The following NR3C1 variants were observed in gnomAD, a reference collection of about 807,000 sequenced individuals.
The protein encoded by NR3C1 is nuclear receptor subfamily 3 group C member 1.
A neutral mutation model predicts 74.0 loss-of-function variants in NR3C1; 14 were observed. The ratio of observed to expected loss-of-function variants is 0.19; its 90% CI spans 0.12 to 0.30. The LOEUF (loss-of-function observed/expected upper bound fraction) is 0.30. Among genes scored for constraint, NR3C1 ranks in the 10% least tolerant of loss-of-function variants. The pLI, the probability that NR3C1 is intolerant of heterozygous loss-of-function variation, is 1.00. For synonymous variants in NR3C1, 308 were observed against 332.5 expected (o/e 0.93, Z 0.80); for missense variants, 695 against 909.8 (o/e 0.76, Z 3.04).
intron 6 of NR3C1, 46 bp from the exon 7 acceptor site, chr5:143,295,636 T>C: frequency 1.3e-6 from 2 of 1,531,408 alleles, no homozygotes; most frequent in Non-Finnish European, 1.8e-6. Flanking sequence ...TACTGCTACT[T>C]CCCCCCAAAA....
chr5:143,359,374 T>C (rs1831804649), intron 2 of NR3C1, among the ~76,000 whole-genome samples: 1 of 152,218 alleles, frequency 6.6e-6, no homozygotes, highest in Non-Finnish European at 1.5e-5. Flanking sequence ...AAATACATAC[T>C]TGAGTGCCTA....
At chr5:143,357,844 A>AAGTCTCCC (rs1831443501) in intron 2 of NR3C1, among the ~76,000 whole-genome samples, 1 of 152,186 alleles carries the variant, frequency 6.6e-6, no homozygotes, top group Admixed American at 6.5e-5. Context: ...GCCATTCCGA[A>AAGTCTCCC]AGTCTCCCTT....
chr5:143,312,762 T>TA (rs1245815390), intron 3 of NR3C1, among the ~76,000 whole-genome samples: 20 of 152,200 alleles, frequency 1.3e-4, no homozygotes, highest in Admixed American at 6.5e-4. Flanking sequence ...TATCACTGCA[T>TA]TTATATCGTG....
intron 2 of NR3C1, among the ~76,000 whole-genome samples, chr5:143,380,657 AG>A (rs1335339156): frequency 1.1e-5 from 1 of 91,752 alleles, no homozygotes; most frequent in Non-Finnish European, 2.1e-5. Context: ...TGTGGATTAT[AG>A]GGCAGGGGGG....
intron 1 of NR3C1, among the ~76,000 whole-genome samples, chr5:143,417,398 T>C (rs1007931950): frequency 2.0e-5 from 3 of 152,148 alleles, no homozygotes; most frequent in African/African-American, 4.8e-5. Context: ...TTGGATTCAA[T>C]AGACATTTAT....
intron 2 of NR3C1, among the ~76,000 whole-genome samples, chr5:143,351,965 A>G (rs1214498875): frequency 6.6e-6 from 1 of 152,230 alleles, no homozygotes; most frequent in Non-Finnish European, 1.5e-5. Flanking sequence ...AGAGAGACCT[A>G]TAACAAATTT....
chr5:143,361,880 T>G (rs1050838585), intron 2 of NR3C1, among the ~76,000 whole-genome samples: 3 of 152,220 alleles, frequency 2.0e-5, no homozygotes, highest in African/African-American at 7.2e-5. Flanking sequence ...TTCTAAAGTT[T>G]AGATAAATGG....
At chr5:143,402,690 G>A (rs1471276163) in intron 1 of NR3C1, 8 of 985,280 alleles carry the variant, frequency 8.1e-6, no homozygotes, top group African/African-American at 3.5e-5. Flanking sequence ...TCAGCCCCCC[G>A]CGTGTGCACC....
chr5:143,387,638 T>C (rs1372454817), intron 2 of NR3C1, among the ~76,000 whole-genome samples: 2 of 152,200 alleles, frequency 1.3e-5, no homozygotes, highest in Non-Finnish European at 2.9e-5. Flanking sequence ...ATTTTCTTGC[T>C]ATGGCTAACA....
chr5:143,321,465 T>C (rs192174648), intron 2 of NR3C1, among the ~76,000 whole-genome samples: 49 of 152,270 alleles, frequency 3.2e-4, no homozygotes, highest in African/African-American at 1.2e-3. Context: ...CTCTCACCTC[T>C]TGCTTTAACC....
chr5:143,319,978 G>A (rs992798433), intron 2 of NR3C1, among the ~76,000 whole-genome samples: 1 of 152,164 alleles, frequency 6.6e-6, no homozygotes. Flanking sequence ...TACAGGATTG[G>A]CTTGAGCCAG....
intron 2 of NR3C1, among the ~76,000 whole-genome samples, chr5:143,382,000 A>G (rs1228926496): frequency 1.3e-5 from 2 of 152,212 alleles, no homozygotes; most frequent in African/African-American, 4.8e-5. Flanking sequence ...ATGGAAGAAA[A>G]TATTTGCAAG....
In NR3C1 at chr5:143,334,459, C is replaced by T. The variant is rs370244111; in HGVS notation, c.1185-20291G>A. Among the ~76,000 whole-genome samples the T allele has an allele frequency of 1.2e-3, 189 of 152,268 alleles. 9 individuals carry two copies. In the South Asian group the frequency reaches 0.038, roughly 31 times the overall value. Reference sequence around the variant, plus strand: ...GTCTAGTTCCAAGGAAAAATTCCAGCGTTTTCTACATTGGGTGCTGTGTCA... The same window carrying T: ...GTCTAGTTCCAAGGAAAAATTCCAGTGTTTTCTACATTGGGTGCTGTGTCA... On this transcript the variant is annotated intron_variant, in intron 2 of 8. Transcript: ENST00000394464.
At chr5:143,352,023 T>C (rs1454565557) in intron 2 of NR3C1, among the ~76,000 whole-genome samples, 1 of 152,228 alleles carries the variant, frequency 6.6e-6, no homozygotes, top group Non-Finnish European at 1.5e-5. Flanking sequence ...AAGAGAGTTT[T>C]GTTATATAAT....
At chr5:143,318,582 C>T (rs1822668493) in intron 2 of NR3C1, among the ~76,000 whole-genome samples, 1 of 152,108 alleles carries the variant, frequency 6.6e-6, no homozygotes, top group Admixed American at 6.6e-5. Flanking sequence ...CTGATTTTTG[C>T]TTGAAACCTA....
At chr5:143,282,125 A>G (rs889417248) in intron 8 of NR3C1, 84 bp from the exon 9 acceptor site, 19 of 1,452,626 alleles carry the variant, frequency 1.3e-5, no homozygotes, top group Non-Finnish European at 1.8e-5. Flanking sequence ...ATTTTGAAAA[A>G]ATTATCTGGC....
chr5:143,305,434 C>T (rs188717808), intron 4 of NR3C1, among the ~76,000 whole-genome samples: 2 of 152,260 alleles, frequency 1.3e-5, no homozygotes. Flanking sequence ...ATCAAAAAGA[C>T]ACATGTACCC....
intron 3 of NR3C1, among the ~76,000 whole-genome samples, chr5:143,310,903 G>A (rs143364945): frequency 5.1e-4 from 77 of 152,254 alleles, no homozygotes; most frequent in African/African-American, 1.3e-3. Context: ...TGATCCACCC[G>A]CCTCGGCCTC....
At chr5:143,412,502 C>T (rs1191343258) in intron 1 of NR3C1, among the ~76,000 whole-genome samples, 2 of 151,984 alleles carry the variant, frequency 1.3e-5, no homozygotes, top group African/African-American at 2.4e-5. Flanking sequence ...TATTGCTGTC[C>T]CCTTTCATGC....
Sources: allele counts gnomAD v4.1 joint callset (sites outside exome capture counted in the v4.1 genomes callset), GRCh38; gene constraint gnomAD v4.1.1; transcripts MANE v1.5; gene names NCBI Gene and HGNC (gene_info 2026-07-23, HGNC 2026-07-21).